GALNT14: variants seen among roughly 807,000 people sequenced by gnomAD.
The protein encoded by GALNT14 is polypeptide N-acetylgalactosaminyltransferase 14.
A neutral mutation model predicts 77.5 loss-of-function variants in GALNT14; 60 were observed. The ratio of observed to expected loss-of-function variants is 0.77; its 90% CI spans 0.63 to 0.96. The LOEUF (loss-of-function observed/expected upper bound fraction) is 0.96. GALNT14 is among the 40% of genes least tolerant of loss of function. The pLI, the probability that GALNT14 is intolerant of heterozygous loss-of-function variation, is 0.00. For synonymous variants in GALNT14, 280 were observed against 281.7 expected, an observed-to-expected ratio of 0.99 and a Z score of 0.06; for missense variants, 710 against 731.0, an observed-to-expected ratio of 0.97 and a Z score of 0.33.
At chr2:30,929,322 A>G (rs1665581519) in intron 11 of GALNT14, 73 bp downstream of exon 11, 1 of 1,168,760 alleles carries the variant, frequency 8.6e-7, no homozygotes, top group African/African-American at 1.5e-5. Flanking sequence ...GCCTATCGGC[A>G]CCCATTTGCA....
At chr2:31,068,112 T>C (rs1201120020) in intron 1 of GALNT14, among the ~76,000 whole-genome samples, 1 of 152,150 alleles carries the variant, frequency 6.6e-6, no homozygotes, top group East Asian at 1.9e-4. Context: ...AACTGGAAAC[T>C]CTGGTCAGAA....
chr2:30,924,708 C>T, intron 12 of GALNT14, 32 bp downstream of exon 12: 1 of 1,592,878 alleles, frequency 6.3e-7, no homozygotes, highest in Non-Finnish European at 8.6e-7. Flanking sequence ...CTGCTTTCAG[C>T]CAGCCAAAGC....
chr2:31,076,390 C>T (rs1005328020), intron 1 of GALNT14, among the ~76,000 whole-genome samples: 22 of 152,282 alleles, frequency 1.4e-4, no homozygotes, highest in African/African-American at 5.3e-4. Context: ...CAGCTCCACA[C>T]TTCAGAACCA....
rs377585928 is a variant in GALNT14 at position 30,924,789 on chromosome 2, G to A, written c.1186C>T (p.Arg396Cys). ...AGGTACCACTTGAAGCTCTGGCAGCGCAGATTCTTCCTCAGGTCCAATCTG... is the reference window on the plus strand; with the variant it reads ...AGGTACCACTTGAAGCTCTGGCAGCACAGATTCTTCCTCAGGTCCAATCTG... ...ESRLDLRKNL[R>C]CQSFKWYLEN... is the part of the protein sequence containing the mutation. Residue 396 changes from arginine (R) to cysteine (C), a missense_variant, in exon 12 of 15, where the codon CGC (arginine) becomes TGC (cysteine). Coordinates refer to ENST00000349752, the MANE Select transcript of GALNT14 (RefSeq NM_024572.4). The A allele has an allele frequency of 3.2e-5, 51 of 1,613,884 alleles. No homozygotes were observed. The highest frequency in any genetic ancestry group is 4.4e-5 in the South Asian group (4 of 91,056).
chr2:31,082,715 G>GA (rs1198036210), intron 1 of GALNT14, among the ~76,000 whole-genome samples: 2 of 152,096 alleles, frequency 1.3e-5, no homozygotes, highest in Admixed American at 1.3e-4. Context: ...TAAAAAGGAA[G>GA]AAATAATGAT....
At chr2:31,096,243 C>T (rs548826452) in intron 1 of GALNT14, among the ~76,000 whole-genome samples, 5 of 152,310 alleles carry the variant, frequency 3.3e-5, no homozygotes, top group Admixed American at 3.3e-4. Flanking sequence ...AACTTAATTT[C>T]ACCTGCAACC....
chr2:30,908,887 C>T (rs911207290), downstream of GALNT14, among the ~76,000 whole-genome samples: 6 of 149,578 alleles, frequency 4.0e-5, no homozygotes, highest in Admixed American at 1.3e-4. Context: ...CAGAACAGAG[C>T]CCTCAGAAAT....
At chr2:31,012,196 C>T (rs13010584) in intron 1 of GALNT14, among the ~76,000 whole-genome samples, 38,570 of 151,864 alleles carry the variant, frequency 0.25, 5,043 homozygotes, top group East Asian at 0.39. Context: ...CGGTTGGATC[C>T]CACTCACAGA....
At chr2:30,912,464 G>A (rs1402044160) in intron 13 of GALNT14, 122 bp from the exon 14 acceptor site, 11 of 1,093,534 alleles carry the variant, frequency 1.0e-5, no homozygotes, top group South Asian at 1.6e-5. Context: ...GTCCCAGTAG[G>A]CAATGATCAT....
At chr2:30,980,585 C>T (rs1668925739) in intron 2 of GALNT14, among the ~76,000 whole-genome samples, 1 of 152,202 alleles carries the variant, frequency 6.6e-6, no homozygotes, top group African/African-American at 2.4e-5. Flanking sequence ...GAGTAACTCA[C>T]CCATGGTCCA....
At chr2:31,101,472 T>C (rs772860330) in intron 1 of GALNT14, among the ~76,000 whole-genome samples, 1 of 140,876 alleles carries the variant, frequency 7.1e-6, no homozygotes, top group African/African-American at 2.9e-5. Flanking sequence ...GAAGAATGTA[T>C]ACCTATTTAA....
intron 1 of GALNT14, among the ~76,000 whole-genome samples, chr2:31,080,516 G>A (rs996198677): frequency 2.6e-5 from 4 of 152,200 alleles, no homozygotes; most frequent in Non-Finnish European, 5.9e-5. Context: ...CTGTAAATGA[G>A]TAATAGTTAG....
chr2:30,987,729 C>A, intron 2 of GALNT14, among the ~76,000 whole-genome samples: 1 of 146,326 alleles, frequency 6.8e-6, no homozygotes. Flanking sequence ...TCCCCCTCCT[C>A]CCCCTCCTCC....
chr2:31,014,814 T>C (rs937200624), intron 1 of GALNT14, among the ~76,000 whole-genome samples: 39 of 152,284 alleles, frequency 2.6e-4, no homozygotes, highest in African/African-American at 9.4e-4. Context: ...GTGTGGGTTG[T>C]ACCCTTACAC....
At chr2:30,967,581 A>C (rs1448082204) in intron 2 of GALNT14, among the ~76,000 whole-genome samples, 1 of 152,208 alleles carries the variant, frequency 6.6e-6, no homozygotes, top group African/African-American at 2.4e-5. Context: ...GGAAAAGGTA[A>C]GTCTTGTCCT....
chr2:31,038,084 ATTTTTTTTTTTTTT>A lies in GALNT14; in HGVS notation c.130-45091_130-45078del, dbSNP rs1196402402. ...ATTTGCCATATATATATATATATAT[ATTTTTTTTTTTTTT>A]TTTTTTTTTTTTTTTAGATGGAGTC... is the stretch of plus-strand genomic sequence containing the variant. On this transcript the variant is annotated intron_variant, in intron 1 of 14. Transcript: ENST00000349752. Among the ~76,000 whole-genome samples, 8 of 52,664 alleles carry A rather than the reference ATTTTTTTTTTTTTT, an allele frequency of 1.5e-4. 1 individual carries two copies. Among genetic ancestry groups the A allele is most frequent in the African/African-American group, 7.4e-4 (8 of 10,864 alleles). 34.5% of individuals were successfully genotyped at this position (52,664 alleles called of 152,430 possible). A position where few individuals can be genotyped will look rare whatever the true frequency, so the allele number is the denominator to read the frequency against.
chr2:30,969,163 A>G (rs1043100800), intron 2 of GALNT14, among the ~76,000 whole-genome samples: 9 of 152,202 alleles, frequency 5.9e-5, no homozygotes, highest in African/African-American at 2.2e-4. Context: ...TGGTCTCTCC[A>G]TAAGAGACAG....
At chr2:31,022,780 C>T (rs1671801441) in intron 1 of GALNT14, among the ~76,000 whole-genome samples, 2 of 152,318 alleles carry the variant, frequency 1.3e-5, no homozygotes, top group East Asian at 1.9e-4. Context: ...ATGTTAAACA[C>T]GACATATGAG....
intron 1 of GALNT14, among the ~76,000 whole-genome samples, chr2:30,996,605 C>T (rs1156771940): frequency 6.6e-6 from 1 of 152,234 alleles, no homozygotes; most frequent in Non-Finnish European, 1.5e-5. Context: ...CCCAAGAGGG[C>T]CCGAGGCTGC....
Sources: gnomAD v4.1 joint callset for allele counts (sites outside exome capture counted in the v4.1 genomes callset) on GRCh38, gnomAD v4.1.1 for gene constraint, MANE v1.5 for transcripts, NCBI Gene and HGNC (gene_info 2026-07-23, HGNC 2026-07-21) for gene names.